Variants in CHCHD4 observed in about 807,000 individuals in gnomAD.
The protein encoded by CHCHD4 is coiled-coil-helix-coiled-coil-helix domain containing 4.
CHCHD4 carries 7 observed loss-of-function variants against 12.4 expected under a neutral mutation model. The ratio of observed to expected loss-of-function variants is 0.57; its 90% CI spans 0.32 to 1.06. The LOEUF (loss-of-function observed/expected upper bound fraction) is 1.06, where lower values mean the gene tolerates loss of function less well. Among genes scored for constraint, CHCHD4 ranks in the 50% least tolerant of loss-of-function variants. The probability of loss-of-function intolerance (pLI) is 0.04; values close to 1 mark genes in which losing one functional copy is unlikely to be tolerated. For missense variants in CHCHD4, 143 were observed against 175.1 expected (o/e 0.82, Z 1.03); for synonymous variants, 56 against 58.0 (o/e 0.97, Z 0.16).
chr3:14,118,221 A>G (rs951029701), intron 1 of CHCHD4, among the ~76,000 whole-genome samples: 1 of 152,244 alleles, frequency 6.6e-6, no homozygotes, highest in African/African-American at 2.4e-5. Context: ...CCTGGCAGAG[A>G]GCCACAGTGC....
At chr3:14,115,071 T>C (rs945304933) in intron 2 of CHCHD4, among the ~76,000 whole-genome samples, 3 of 152,190 alleles carry the variant, frequency 2.0e-5, no homozygotes, top group Admixed American at 6.5e-5. Flanking sequence ...GGAAGGCAGG[T>C]AGATGGCATA....
intron 1 of CHCHD4, among the ~76,000 whole-genome samples, chr3:14,119,518 A>C (rs1694910961): frequency 1.3e-5 from 2 of 152,230 alleles, no homozygotes; most frequent in South Asian, 4.1e-4. Context: ...CTAACTGTGA[A>C]AGAAAGGACT....
intron 1 of CHCHD4, chr3:14,121,767 T>G: frequency 7.2e-7 from 1 of 1,392,408 alleles, no homozygotes; most frequent in South Asian, 1.3e-5. Context: ...TTGATAAATC[T>G]GACTGCTAAG....
At chr3:14,124,548 G>GCCGCGCCTCAGGTGGC (rs1014628063) in intron 1 of CHCHD4, 107 bp downstream of exon 1, 2 of 1,046,556 alleles carry the variant, frequency 1.9e-6, no homozygotes, top group Non-Finnish European at 2.6e-6. Context: ...GGGCACCTGG[G>GCCGCGCCTCAGGTGGC]CCGCGCCTCA....
chr3:14,123,802 G>C (rs1313062256), intron 1 of CHCHD4, among the ~76,000 whole-genome samples: 1 of 152,240 alleles, frequency 6.6e-6, no homozygotes, highest in Admixed American at 6.5e-5. Flanking sequence ...CAAGGAGCCA[G>C]TTTGTGGCAG....
chr3:14,119,934 G>A (rs1380697887), intron 1 of CHCHD4, among the ~76,000 whole-genome samples: 3 of 152,132 alleles, frequency 2.0e-5, no homozygotes, highest in Non-Finnish European at 2.9e-5. Context: ...ATTTTTAAAG[G>A]GCATCAAGGA....
At chr3:14,119,593 T>A (rs147880607) in intron 1 of CHCHD4, among the ~76,000 whole-genome samples, 257 of 152,344 alleles carry the variant, frequency 1.7e-3, no homozygotes, top group Non-Finnish European at 3.2e-3. Context: ...TCTCATGACA[T>A]TTGTCAGCAA....
chr3:14,112,980 C>T lies in CHCHD4; in HGVS notation c.336G>A (p.Glu112=). ...CTGGCTTCTTCTCTCTTTCCTCTTC[C>T]TCATCCTCATCCTCTTGGGGATAGA... ...PDLYPQEDED[E]EEEREKKPAE... is the part of the protein sequence containing the mutation. The change falls in exon 3 of 3, where the codon GAG becomes GAA. Residue 112 remains glutamate (E), a synonymous_variant. Transcript: ENST00000396914. 6.2e-7 allele frequency: 1 copy of T among 1,613,532 alleles called. No homozygotes were observed. The highest frequency in any genetic ancestry group is 8.5e-7 in the Non-Finnish European group (1 of 1,179,742).
chr3:14,123,843 G>C (rs1410499582), intron 1 of CHCHD4, among the ~76,000 whole-genome samples: 1 of 152,192 alleles, frequency 6.6e-6, no homozygotes, highest in Non-Finnish European at 1.5e-5. Context: ...CCTGTGGCTC[G>C]GGTACTTCTG....
chr3:14,114,669 AT>A (rs961649400), intron 2 of CHCHD4, among the ~76,000 whole-genome samples: 25 of 152,340 alleles, frequency 1.6e-4, no homozygotes, highest in African/African-American at 5.5e-4. Context: ...ATTAAAAAAA[AT>A]CATAACAAAA....
At chr3:14,118,418 AG>A (rs1694898246) in intron 1 of CHCHD4, among the ~76,000 whole-genome samples, 1 of 152,258 alleles carries the variant, frequency 6.6e-6, no homozygotes, top group Admixed American at 6.5e-5. Flanking sequence ...GAAGTAATTA[AG>A]GAAGAGGCTT....
At chr3:14,117,368 C>A (rs571518436) in intron 1 of CHCHD4, among the ~76,000 whole-genome samples, 10 of 152,324 alleles carry the variant, frequency 6.6e-5, no homozygotes, top group Middle Eastern at 3.4e-3. Context: ...GCACATCAGT[C>A]CTGGCCAAAC....
chr3:14,124,640 GC>G lies in CHCHD4; in HGVS notation c.22+14del. ...CCCTCGTAGGCCGGTCTCCGTGGCA[GC>G]CCGCCCTCCCTACCTTCCTGCCGGC... is the stretch of plus-strand genomic sequence containing the variant. On this transcript the variant is annotated intron_variant, in intron 1 of 2. Coordinates refer to ENST00000396914, the MANE Select transcript of CHCHD4 (RefSeq NM_001098502.2). The G allele has an allele frequency of 6.6e-7, 1 of 1,512,798 alleles. No homozygotes were observed. 93.7% of individuals were successfully genotyped at this position (1,512,798 alleles called of 1,614,324 possible).
chr3:14,113,385 A>G (rs1694842326), intron 2 of CHCHD4, among the ~76,000 whole-genome samples, 191 bp from the exon 3 acceptor site: 1 of 152,146 alleles, frequency 6.6e-6, no homozygotes, highest in Non-Finnish European at 1.5e-5. Context: ...AGAAGCCACC[A>G]ATGACATATT....
intron 2 of CHCHD4, 63 bp from the exon 3 acceptor site, chr3:14,113,257 C>T: frequency 7.3e-7 from 1 of 1,365,458 alleles, no homozygotes; most frequent in South Asian, 1.4e-5. Context: ...TAGTCCAGTC[C>T]TCACAGGCTA....
At chr3:14,116,573 A>G (rs1694878923) in intron 1 of CHCHD4, 49 bp from the exon 2 acceptor site, 6 of 1,415,694 alleles carry the variant, frequency 4.2e-6, no homozygotes, top group Non-Finnish European at 5.0e-6. Context: ...AGAGCAGTGA[A>G]TCAGCTTTAA....
intron 1 of CHCHD4, among the ~76,000 whole-genome samples, chr3:14,121,567 A>G (rs1019560160): frequency 1.8e-4 from 27 of 152,292 alleles, no homozygotes; most frequent in African/African-American, 6.3e-4. Context: ...CTGACTCCCC[A>G]GGGTCATGTT....
At position 14,124,741 on chromosome 3, in the gene CHCHD4, G is replaced by C; in HGVS notation, c.-65C>G. On this transcript the variant is annotated 5_prime_UTR_variant, in exon 1 of 3. Coordinates refer to ENST00000396914, the MANE Select transcript of CHCHD4 (RefSeq NM_001098502.2). Reference sequence around the variant, plus strand: ...GGCGGCAGCTGCACCTTTACGCCGTGACCTCCCTCTCCTCTGGCAGGGCGG... The same window carrying C: ...GGCGGCAGCTGCACCTTTACGCCGTCACCTCCCTCTCCTCTGGCAGGGCGG... 1 of 1,489,352 alleles carries C rather than the reference G, an allele frequency of 6.7e-7. No individual in the cohort carries two copies. Among genetic ancestry groups the C allele is most frequent in the South Asian group, 1.3e-5 (1 of 79,034 alleles). The allele number at this position is 1,489,352 out of a possible 1,614,324, so 92.3% of individuals were successfully genotyped here. A position where few individuals can be genotyped will look rare whatever the true frequency, so the allele number is the denominator to read the frequency against.
At position 14,116,422 on chromosome 3, in the gene CHCHD4, T is replaced by G; in HGVS notation, c.121+4A>C. 6.3e-7 allele frequency: 1 copy of G among 1,594,968 alleles called. No homozygotes were observed. Among genetic ancestry groups the G allele is most frequent in the Non-Finnish European group, 8.6e-7 (1 of 1,165,716 alleles). On this transcript the variant is annotated splice_donor_region_variant and intron_variant, in intron 2 of 2. Transcript: ENST00000396914. ...GGGTCCCTGGGAGGCCACATGTCACTCACCATGCTCCTCGTATGGATCGTT... is the reference window on the plus strand; with the variant it reads ...GGGTCCCTGGGAGGCCACATGTCACGCACCATGCTCCTCGTATGGATCGTT...
Sources: allele counts gnomAD v4.1 joint callset (sites outside exome capture counted in the v4.1 genomes callset), GRCh38; gene constraint gnomAD v4.1.1; transcripts MANE v1.5; gene names NCBI Gene and HGNC (gene_info 2026-07-23, HGNC 2026-07-21).